Variants in ALG9 observed in about 807,000 individuals in gnomAD.
ALG9 encodes the protein ALG9 alpha-1,2-mannosyltransferase.
A neutral mutation model predicts 81.8 loss-of-function variants in ALG9; 55 were observed. The observed-to-expected ratio is 0.67, with a 90% CI of 0.54 to 0.84. The LOEUF (loss-of-function observed/expected upper bound fraction) is 0.84. ALG9 is among the 40% of genes least tolerant of loss of function. The pLI is 0.00. For missense variants in ALG9, 629 were observed against 745.0 expected, an observed-to-expected ratio of 0.84 and a Z score of 1.81; for synonymous variants, 278 against 274.3, an observed-to-expected ratio of 1.01 and a Z score of -0.13.
Position 111,868,851 on chromosome 11 carries a change from T to C in ALG9, c.271-115A>G, listed in dbSNP as rs1363938713. ...AAAAACAAAGGCAAGCCAGGCACGATGCCTCACACCTATAATCCCAGCACT... is the reference window on the plus strand; with the variant it reads ...AAAAACAAAGGCAAGCCAGGCACGACGCCTCACACCTATAATCCCAGCACT... On this transcript the variant is annotated intron_variant, in intron 2 of 14. Transcript: ENST00000616540. 4 of 1,114,226 alleles carry C rather than the reference T, an allele frequency of 3.6e-6. No homozygotes were observed. The African/African-American group carries it at 4.7e-5, about 13-fold the overall frequency. The allele number at this position is 1,114,226 out of a possible 1,614,324, so 69.0% of individuals were successfully genotyped here.
chr11:111,774,801 C>T, the ALG9 span, among the ~76,000 whole-genome samples: 198 of 152,264 alleles, frequency 1.3e-3, 3 homozygotes, highest in Middle Eastern at 0.031. Context: ...TCTGCCTGGC[C>T]CTGGCTGTCT....
chr11:111,844,910 T>C (rs1403120372), intron 8 of ALG9, among the ~76,000 whole-genome samples, 187 bp from the exon 9 acceptor site: 1 of 152,140 alleles, frequency 6.6e-6, no homozygotes, highest in African/African-American at 2.4e-5. Context: ...TGGAAGAGAA[T>C]GGGATTGGTC....
intron 5 of ALG9, among the ~76,000 whole-genome samples, chr11:111,858,420 T>G (rs530502910): frequency 2.6e-5 from 4 of 152,250 alleles, no homozygotes; most frequent in Non-Finnish European, 5.9e-5. Context: ...AATTTACTTC[T>G]GAAGAAGCTT....
chr11:111,810,592 T>TA (rs1950561813), intron 13 of ALG9, among the ~76,000 whole-genome samples: 1 of 151,892 alleles, frequency 6.6e-6, no homozygotes, highest in Admixed American at 6.6e-5. Context: ...CCCATCTCTT[T>TA]AAAAAATACA....
At chr11:111,857,407 A>C (rs1958876657) in intron 6 of ALG9, among the ~76,000 whole-genome samples, 195 bp downstream of exon 6, 1 of 152,228 alleles carries the variant, frequency 6.6e-6, no homozygotes, top group African/African-American at 2.4e-5. Context: ...CACATAGCAG[A>C]TGCTCAATGG....
chr11:111,836,070 A>G, intron 13 of ALG9, 95 bp downstream of exon 13: 1 of 1,575,388 alleles, frequency 6.3e-7, no homozygotes, highest in Non-Finnish European at 8.7e-7. Flanking sequence ...GCTTTCTAAG[A>G]AATTCTCATT....
At chr11:111,844,466 G>A in intron 9 of ALG9, 135 bp downstream of exon 9, 2 of 1,337,850 alleles carry the variant, frequency 1.5e-6, no homozygotes, top group South Asian at 2.4e-5. Flanking sequence ...AACACAGACT[G>A]AAAATTCAGT....
At chr11:111,805,128 G>C (rs1157198287) in intron 14 of ALG9, 1 of 365,192 alleles carries the variant, frequency 2.7e-6, no homozygotes, top group East Asian at 7.6e-5. Context: ...GCCTTTGGAA[G>C]GGAATTAGGT....
rs57311061 is a variant in ALG9, at chr11:111,812,915, CAAAAA to C, written c.1603-3147_1603-3143del. On this transcript the variant is annotated intron_variant, in intron 13 of 14. Transcript: ENST00000616540. ...CTGGTGACAGAGCAAGACTCTGTCTCAAAAAAAAAAAAAAAAAAGAAATTAATACA... is the reference window on the plus strand; with the variant it reads ...CTGGTGACAGAGCAAGACTCTGTCTCAAAAAAAAAAAAAGAAATTAATACA... Among the ~76,000 whole-genome samples the C allele has an allele frequency of 1.1e-3, 111 of 98,750 alleles. 1 individual carries two copies. Among genetic ancestry groups the C allele is most frequent in the South Asian group, 2.3e-3 (7 of 3,060 alleles). The allele number at this position is 98,750 out of a possible 152,430, so 64.8% of individuals were successfully genotyped here. A position where few individuals can be genotyped will look rare whatever the true frequency, so the allele number is the denominator to read the frequency against.
intron 13 of ALG9, among the ~76,000 whole-genome samples, chr11:111,834,728 A>G (rs1462940932): frequency 1.3e-5 from 2 of 152,076 alleles, no homozygotes; most frequent in African/African-American, 4.8e-5. Context: ...CTGTCCCCCT[A>G]TGACAGTGTA....
rs35858293 is a variant in ALG9 at position 111,799,446 on chromosome 11, C to CTT, written c.1733+10195_1733+10196dup. ...ATGAGCCACCGTGCCCGGCTGATTC[C>CTT]TTTTTTTTTTTTTTTTTAAACAAAC... On this transcript the variant is annotated intron_variant, in intron 14 of 14. Coordinates refer to ENST00000616540, the MANE Select transcript of ALG9 (RefSeq NM_024740.2). 3.1e-3 allele frequency among the ~76,000 whole-genome samples: 432 copies of CTT among 141,452 alleles called. 1 individual carries two copies. Among genetic ancestry groups the CTT allele is most frequent in the Non-Finnish European group, 5.1e-3 (333 of 64,708 alleles). The allele number at this position is 141,452 out of a possible 152,430, so 92.8% of individuals were successfully genotyped here.
At chr11:111,840,481 G>A (rs1332717079) in intron 10 of ALG9, among the ~76,000 whole-genome samples, 174 bp downstream of exon 10, 2 of 152,108 alleles carry the variant, frequency 1.3e-5, no homozygotes, top group East Asian at 3.8e-4. Flanking sequence ...TACAAGTATG[G>A]TAAACAGCTA....
intron 10 of ALG9, among the ~76,000 whole-genome samples, chr11:111,839,922 T>C (rs1566003684): frequency 1.3e-5 from 2 of 152,126 alleles, no homozygotes. Context: ...AGTAGATTAA[T>C]GGTTACTTAG....
At chr11:111,779,443 A>T (rs1244908515), downstream of ALG9, among the ~76,000 whole-genome samples, 7 of 151,580 alleles carry the variant, frequency 4.6e-5, no homozygotes, top group African/African-American at 1.7e-4. Flanking sequence ...CAAATCACCC[A>T]ATCTTTTGGC....
Position 111,868,689 on chromosome 11 carries a change from G to C in ALG9, c.318C>G (p.Ser106=). ...YGEGFQTWEY[S]PAYAIRSYAY... ...CATAGGAGCGAATGGCATATGCTGG[G>C]GAATATTCCCAAGTCTGAAACCCTT... is the stretch of plus-strand genomic sequence containing the variant. The change falls in exon 3 of 15, where the codon TCC becomes TCG. Residue 106 remains serine, a synonymous_variant. Coordinates refer to ENST00000616540, the MANE Select transcript of ALG9 (RefSeq NM_024740.2). 6.2e-7 allele frequency: 1 copy of C among 1,613,590 alleles called. No homozygotes were observed. Among genetic ancestry groups the C allele is most frequent in the African/African-American group, 1.3e-5 (1 of 75,014 alleles).
chr11:111,850,033 A>G (rs2137004711), intron 8 of ALG9, among the ~76,000 whole-genome samples: 1 of 152,330 alleles, frequency 6.6e-6, no homozygotes, highest in East Asian at 1.9e-4. Flanking sequence ...TGACAATTTT[A>G]CTGCCTCAAA....
chr11:111,860,682 A>G (rs375423428), intron 4 of ALG9, 47 bp from the exon 5 acceptor site: 103 of 1,440,248 alleles, frequency 7.2e-5, no homozygotes, highest in Non-Finnish European at 9.3e-5. Context: ...TTAGGAATAG[A>G]CATTTCAAAT....
chr11:111,768,382 GT>G, the ALG9 span, among the ~76,000 whole-genome samples: 78 of 150,984 alleles, frequency 5.2e-4, no homozygotes, highest in African/African-American at 1.3e-3. Flanking sequence ...ATTTGTTGTG[GT>G]TTTTTTTTAG....
chr11:111,824,341 G>C (rs1283516693), intron 13 of ALG9, among the ~76,000 whole-genome samples: 1 of 152,146 alleles, frequency 6.6e-6, no homozygotes, highest in African/African-American at 2.4e-5. Context: ...TTTCTACTTT[G>C]GAGTTAAGTC....
Sources: allele counts gnomAD v4.1 joint callset (sites outside exome capture counted in the v4.1 genomes callset), GRCh38; gene constraint gnomAD v4.1.1; transcripts MANE v1.5; gene names NCBI Gene and HGNC (gene_info 2026-07-23, HGNC 2026-07-21).